The following CCDC170 variants were observed in gnomAD, a reference collection of about 807,000 sequenced individuals.
The protein encoded by CCDC170 is coiled-coil domain containing 170.
CCDC170 carries 69 observed loss-of-function variants against 72.6 expected under a neutral mutation model. The observed-to-expected ratio is 0.95, with a 90% CI of 0.78 to 1.16. The LOEUF is 1.16. Ranked by LOEUF, CCDC170 falls within the 50% of genes most tolerant of loss-of-function variation. CCDC170 has a pLI of 0.00. For synonymous variants in CCDC170, 300 were observed against 303.9 expected (o/e 0.99, Z 0.13); for missense variants, 852 against 832.5 (o/e 1.02, Z -0.29).
intron 3 of CCDC170, among the ~76,000 whole-genome samples, chr6:151,540,311 T>TCTC (rs902129904): frequency 4.1e-5 from 6 of 145,614 alleles, no homozygotes; most frequent in East Asian, 4.2e-4. Context: ...TCTCCATGTT[T>TCTC]CTCCTCCTCC....
At chr6:151,601,450 T>G (rs2115126787) in intron 9 of CCDC170, among the ~76,000 whole-genome samples, 1 of 152,270 alleles carries the variant, frequency 6.6e-6, no homozygotes, top group Admixed American at 6.5e-5. Context: ...CAGTACTTCA[T>G]TCCTGTATTG....
At chr6:151,607,207 C>T (rs7746854) in intron 9 of CCDC170, among the ~76,000 whole-genome samples, 65,360 of 151,622 alleles carry the variant, frequency 0.43, 16,612 homozygotes, top group Non-Finnish European at 0.58. Flanking sequence ...TGTGGGTCTA[C>T]GGGGGTTGAC....
rs974517737 is a variant in CCDC170 at position 151,619,476 on chromosome 6, T to C, written c.*1329T>C. The C allele has an allele frequency of 1.3e-5, 2 of 152,196 alleles. No individual in the cohort carries two copies. The highest frequency in any genetic ancestry group is 1.3e-4 in the Admixed American group (2 of 15,280). The allele number at this position is 152,196 out of a possible 1,614,324, so 9.4% of individuals were successfully genotyped here. On this transcript the variant is annotated 3_prime_UTR_variant, in exon 11 of 11. Coordinates refer to ENST00000239374, the MANE Select transcript of CCDC170 (RefSeq NM_025059.4). ...TGGACAATTTATCTTATTTCTATCA[T>C]ATAAGATGTATTTTTTTATTGTCCT...
At chr6:151,550,049 C>G (rs1782854906) in intron 5 of CCDC170, among the ~76,000 whole-genome samples, 1 of 152,140 alleles carries the variant, frequency 6.6e-6, no homozygotes, top group Non-Finnish European at 1.5e-5. Flanking sequence ...TTTATTTACA[C>G]AATGAATTGG....
At chr6:151,576,405 A>ATT (rs60823161) in intron 6 of CCDC170, among the ~76,000 whole-genome samples, 8 of 142,340 alleles carry the variant, frequency 5.6e-5, no homozygotes, top group African/African-American at 1.5e-4. Context: ...TCAATAGCTA[A>ATT]TTTTTTTTTT....
chr6:151,613,612 C>T (rs1776910714), intron 9 of CCDC170, among the ~76,000 whole-genome samples: 1 of 152,154 alleles, frequency 6.6e-6, no homozygotes, highest in Admixed American at 6.5e-5. Context: ...TTGCAATTGG[C>T]TTCTTTCCCT....
intron 6 of CCDC170, among the ~76,000 whole-genome samples, chr6:151,573,857 C>T (rs1479378800): frequency 2.0e-5 from 3 of 152,228 alleles, no homozygotes; most frequent in Admixed American, 6.5e-5. Context: ...GTCCCTCCCA[C>T]GACACGTGGG....
intron 1 of CCDC170, among the ~76,000 whole-genome samples, chr6:151,513,499 A>G (rs1182601560): frequency 6.6e-6 from 1 of 151,152 alleles, no homozygotes; most frequent in East Asian, 2.0e-4. Context: ...AGTTACAGCT[A>G]CTGGGGAGGG....
intron 9 of CCDC170, among the ~76,000 whole-genome samples, chr6:151,604,111 A>G (rs118118018): frequency 9.5e-4 from 144 of 152,318 alleles, no homozygotes; most frequent in Non-Finnish European, 1.5e-3. Flanking sequence ...TTTCAAGGAA[A>G]CACCAAAAGG....
intron 1 of CCDC170, among the ~76,000 whole-genome samples, chr6:151,517,222 C>T (rs761415853): frequency 5.9e-5 from 9 of 152,060 alleles, no homozygotes; most frequent in Admixed American, 5.2e-4. Context: ...ATCCCATCTA[C>T]TCGGGAGGCT....
intron 5 of CCDC170, among the ~76,000 whole-genome samples, chr6:151,550,096 A>G (rs960762592): frequency 2.0e-5 from 3 of 152,252 alleles, no homozygotes; most frequent in African/African-American, 7.2e-5. Flanking sequence ...TATTTGAGCT[A>G]TTTAATACCA....
At chr6:151,504,084 T>C (rs1782032795) in intron 1 of CCDC170, among the ~76,000 whole-genome samples, 2 of 152,218 alleles carry the variant, frequency 1.3e-5, no homozygotes, top group African/African-American at 2.4e-5. Context: ...GGAATGTCCT[T>C]GTTCTTAGAA....
rs1307661799 is a variant in CCDC170, at chr6:151,597,233, C to T, written c.1710+656C>T. 3.3e-5 allele frequency among the ~76,000 whole-genome samples: 5 copies of T among 152,304 alleles called. No individual in the cohort carries two copies. In the South Asian group the frequency reaches 8.3e-4, roughly 25 times the overall value. Reference sequence around the variant, plus strand: ...AAACTCTGCCTGGGTTCAAGTGATTCTCCTGCTTCAGCCTCCCAAGTAGTT... The same window carrying T: ...AAACTCTGCCTGGGTTCAAGTGATTTTCCTGCTTCAGCCTCCCAAGTAGTT... On this transcript the variant is annotated intron_variant, in intron 9 of 10. Coordinates refer to ENST00000239374, the MANE Select transcript of CCDC170 (RefSeq NM_025059.4).
At chr6:151,593,484 A>G (rs181399025) in intron 8 of CCDC170, among the ~76,000 whole-genome samples, 2 of 152,242 alleles carry the variant, frequency 1.3e-5, no homozygotes, top group East Asian at 1.9e-4. Flanking sequence ...CACTGTGTGT[A>G]ATGGGTACCC....
chr6:151,508,499 T>C (rs1282120953), intron 1 of CCDC170, among the ~76,000 whole-genome samples: 3 of 151,444 alleles, frequency 2.0e-5, no homozygotes, highest in Non-Finnish European at 4.4e-5. Flanking sequence ...GATCATGCCA[T>C]TGCACTCCAG....
chr6:151,501,653 T>C (rs1781996460), intron 1 of CCDC170, among the ~76,000 whole-genome samples: 1 of 152,134 alleles, frequency 6.6e-6, no homozygotes, highest in African/African-American at 2.4e-5. Flanking sequence ...AAAGAAAAGG[T>C]AGGGGAGAGC....
intron 5 of CCDC170, among the ~76,000 whole-genome samples, chr6:151,563,202 T>C (rs1391631600): frequency 6.6e-6 from 1 of 152,144 alleles, no homozygotes; most frequent in Non-Finnish European, 1.5e-5. Flanking sequence ...ACTTTCAGCA[T>C]GGTAGAGCTG....
Position 151,615,477 on chromosome 6 carries a change from A to T in CCDC170, c.1745A>T (p.Asp582Val), listed in dbSNP as rs1776949045. ...KTLEQTKAIE[D>V]LNKSRDQLEK... ...TTGGAACAGACTAAAGCCATTGAAG[A>T]TCTAAACAAATCCAGAGACCAACTG... Residue 582 changes from aspartate (D) to valine (V), a missense_variant, in exon 10 of 11, where the codon GAT becomes GTT. Transcript: ENST00000239374. 1 of 1,613,980 alleles carries T rather than the reference A, an allele frequency of 6.2e-7. No homozygotes were observed. Among genetic ancestry groups the T allele is most frequent in the Admixed American group, 1.7e-5 (1 of 60,006 alleles).
intron 3 of CCDC170, among the ~76,000 whole-genome samples, chr6:151,539,260 CA>C (rs11412896): frequency 1.3e-4 from 19 of 148,138 alleles, no homozygotes; most frequent in Admixed American, 2.0e-4. Flanking sequence ...GACTCTGTCT[CA>C]AAAAAAAAAA....
Sources: allele counts gnomAD v4.1 joint callset (sites outside exome capture counted in the v4.1 genomes callset), GRCh38; gene constraint gnomAD v4.1.1; transcripts MANE v1.5; gene names NCBI Gene and HGNC (gene_info 2026-07-23, HGNC 2026-07-21).